SLC24A4: variants seen among roughly 807,000 people sequenced by gnomAD.
The protein encoded by SLC24A4 is solute carrier family 24 member 4.
In SLC24A4, 53 loss-of-function variants were observed where a neutral mutation model predicts 79.0. That is an observed-to-expected ratio of 0.67 (90% confidence interval 0.54 to 0.84). The LOEUF is 0.84. Ranked by LOEUF, SLC24A4 falls within the 40% of genes least tolerant of loss-of-function variation. The pLI, the probability that SLC24A4 is intolerant of heterozygous loss-of-function variation, is 0.00. For synonymous variants in SLC24A4, 323 were observed against 323.8 expected (o/e 1.00, Z 0.03); for missense variants, 731 against 822.0 (o/e 0.89, Z 1.35).
chr14:92,419,305 G>C (rs1034028389), intron 2 of SLC24A4, among the ~76,000 whole-genome samples: 1 of 152,182 alleles, frequency 6.6e-6, no homozygotes, highest in Non-Finnish European at 1.5e-5. Flanking sequence ...TCCCTTCCCA[G>C]TTAGTGGCAA....
intron 2 of SLC24A4, among the ~76,000 whole-genome samples, chr14:92,383,993 G>A (rs1403845010): frequency 2.0e-5 from 3 of 152,330 alleles, no homozygotes; most frequent in African/African-American, 4.8e-5. Flanking sequence ...TTAGTCTGGA[G>A]CAAACCACTT....
At chr14:92,426,336 A>G (rs1891566392) in intron 2 of SLC24A4, among the ~76,000 whole-genome samples, 2 of 152,160 alleles carry the variant, frequency 1.3e-5, no homozygotes, top group African/African-American at 4.8e-5. Flanking sequence ...ATGGTGAGAG[A>G]GGAAGCAAGA....
intron 9 of SLC24A4, 35 bp from the exon 10 acceptor site, chr14:92,449,039 C>A: frequency 6.2e-7 from 1 of 1,611,564 alleles, no homozygotes; most frequent in South Asian, 1.1e-5. Flanking sequence ...GACTCCTTTC[C>A]ATTGCCCTGA....
At chr14:92,426,290 G>A (rs1260369189) in intron 2 of SLC24A4, among the ~76,000 whole-genome samples, 7 of 152,158 alleles carry the variant, frequency 4.6e-5, no homozygotes, top group East Asian at 1.9e-4. Flanking sequence ...TTTCACTCAC[G>A]GTGGAAGGTG....
intron 2 of SLC24A4, among the ~76,000 whole-genome samples, chr14:92,396,935 T>C (rs978884126): frequency 6.6e-6 from 1 of 151,338 alleles, no homozygotes; most frequent in African/African-American, 2.5e-5. Context: ...GACACAGTGC[T>C]ACCCTGGAGA....
rs772447275 is a variant in SLC24A4, at chr14:92,486,673, T to C, written c.1430T>C (p.Ile477Thr). The C allele has an allele frequency of 1.9e-6, 3 of 1,612,254 alleles. No individual in the cohort carries two copies. The highest frequency in any genetic ancestry group is 1.7e-6 in the Non-Finnish European group (2 of 1,178,288). ...FSYIMVWLVT[I>T]IGYTLGIPDV... The stretch of plus-strand genomic sequence containing the variant: ...CCACCCCACATTCTGCAGGTGACTA[T>C]TATCGGATACACACTTGGGATCCCG... Residue 477 changes from isoleucine to threonine, a missense_variant, in exon 14 of 17, where the codon ATT (isoleucine) becomes ACT (threonine). Coordinates refer to ENST00000532405, the MANE Select transcript of SLC24A4 (RefSeq NM_153646.4).
chr14:92,397,554 G>C (rs74073015), intron 2 of SLC24A4, among the ~76,000 whole-genome samples: 1 of 152,180 alleles, frequency 6.6e-6, no homozygotes, highest in African/African-American at 2.4e-5. Context: ...TCCTGTCTGG[G>C]TTCCAGGGAG....
Position 92,494,355 on chromosome 14 carries a change from A to G in SLC24A4, c.*727A>G, listed in dbSNP as rs1186934076. 6.5e-6 allele frequency: 1 copy of G among 152,684 alleles called. No homozygotes were observed. Among genetic ancestry groups the G allele is most frequent in the African/African-American group, 2.4e-5 (1 of 41,466 alleles). 9.5% of individuals were successfully genotyped at this position (152,684 alleles called of 1,614,324 possible). A position where few individuals can be genotyped will look rare whatever the true frequency, so the allele number is the denominator to read the frequency against. On this transcript the variant is annotated 3_prime_UTR_variant, in exon 17 of 17. Transcript: ENST00000532405. The surrounding 1 kb of genome is among the most constrained non-coding windows in gnomAD (Gnocchi z 4.6). ...TAGGTCATCATACTTGAAAATTATC[A>G]TTCCATATGAAAGGATCATGATACA...
chr14:92,362,354 T>C (rs1887581659), intron 2 of SLC24A4, among the ~76,000 whole-genome samples: 1 of 152,308 alleles, frequency 6.6e-6, no homozygotes, highest in East Asian at 1.9e-4. Context: ...CTCTAACCTC[T>C]GTGCTGCTCC....
intron 2 of SLC24A4, among the ~76,000 whole-genome samples, chr14:92,422,870 T>C (rs968929728): frequency 2.6e-5 from 4 of 151,852 alleles, no homozygotes; most frequent in African/African-American, 4.8e-5. Flanking sequence ...CTGGAGTGCA[T>C]TGGTGCCATC....
At chr14:92,420,761 G>A (rs569725573) in intron 2 of SLC24A4, among the ~76,000 whole-genome samples, 1 of 152,244 alleles carries the variant, frequency 6.6e-6, no homozygotes, top group African/African-American at 2.4e-5. Flanking sequence ...CTCAAATTAA[G>A]TCTAGAGTCC....
chr14:92,368,802 C>A (rs984562750), intron 2 of SLC24A4, among the ~76,000 whole-genome samples: 3 of 152,100 alleles, frequency 2.0e-5, no homozygotes, highest in Admixed American at 6.5e-5. Context: ...AACCAGAATA[C>A]CCTGCCTCAC....
At chr14:92,408,155 G>C (rs990414947) in intron 2 of SLC24A4, among the ~76,000 whole-genome samples, 7 of 139,682 alleles carry the variant, frequency 5.0e-5, no homozygotes, top group Non-Finnish European at 7.6e-5. Flanking sequence ...ATGTATGCTT[G>C]TTGCTACAGC....
At chr14:92,372,867 C>CCCTT (rs1276150058) in intron 2 of SLC24A4, among the ~76,000 whole-genome samples, 1,140 of 109,878 alleles carry the variant, frequency 0.01, 48 homozygotes, top group African/African-American at 0.039. Context: ...GGGTCACTGT[C>CCCTT]CCTTCCTTCC....
chr14:92,337,117 G>A (rs902323745), intron 2 of SLC24A4, among the ~76,000 whole-genome samples: 2 of 151,988 alleles, frequency 1.3e-5, no homozygotes, highest in Admixed American at 1.3e-4. Flanking sequence ...ACATGGGGAG[G>A]GGGTGGCAGT....
chr14:92,500,897 G>A lies in SLC24A4; in HGVS notation c.*7269G>A, dbSNP rs1896136035. 6.6e-6 allele frequency: 1 copy of A among 152,380 alleles called. No homozygotes were observed. 9.4% of individuals were successfully genotyped at this position (152,380 alleles called of 1,614,324 possible). On this transcript the variant is annotated 3_prime_UTR_variant, in exon 17 of 17. Coordinates refer to ENST00000532405, the MANE Select transcript of SLC24A4 (RefSeq NM_153646.4). Reference sequence around the variant, plus strand: ...CAGCCAGATGCAGCCAGGCCCAGGGGTAGATACAGGAGTTGCTAAGGAAGG... The same window carrying A: ...CAGCCAGATGCAGCCAGGCCCAGGGATAGATACAGGAGTTGCTAAGGAAGG...
chr14:92,499,801 G>C lies in SLC24A4; in HGVS notation c.*6173G>C, dbSNP rs1896081353. Reference sequence around the variant, plus strand: ...TCCCAAAGTGCTGGATTACAAGCGTGAGCCCCTGCACCCGGCCCAAGCAGT... The same window carrying C: ...TCCCAAAGTGCTGGATTACAAGCGTCAGCCCCTGCACCCGGCCCAAGCAGT... On this transcript the variant is annotated 3_prime_UTR_variant, in exon 17 of 17. Coordinates refer to ENST00000532405, the MANE Select transcript of SLC24A4 (RefSeq NM_153646.4). The C allele has an allele frequency of 6.7e-6, 1 of 149,598 alleles. No homozygotes were observed. Among genetic ancestry groups the C allele is most frequent in the Admixed American group, 6.7e-5 (1 of 14,924 alleles). 9.3% of individuals were successfully genotyped at this position (149,598 alleles called of 1,614,324 possible). A position where few individuals can be genotyped will look rare whatever the true frequency, so the allele number is the denominator to read the frequency against.
chr14:92,442,165 C>G lies in SLC24A4; in HGVS notation c.470C>G (p.Ser157Cys). ...AGCTCAACGCCAGAGCTGTTTGCGT[C>G]TGTTATTGGTAAGAAATCCCCTCCA... ...AGSSTPELFA[S>C]VIGVFITHGD... is the part of the protein sequence containing the mutation. Residue 157 changes from serine (S) to cysteine (C), a missense_variant, in exon 5 of 17, where the codon TCT becomes TGT. Coordinates refer to ENST00000532405, the MANE Select transcript of SLC24A4 (RefSeq NM_153646.4). The G allele has an allele frequency of 6.2e-7, 1 of 1,613,444 alleles. No homozygotes were observed. Among genetic ancestry groups the G allele is most frequent in the Non-Finnish European group, 8.5e-7 (1 of 1,179,724 alleles).
chr14:92,349,002 G>A (rs1479608063), intron 2 of SLC24A4, among the ~76,000 whole-genome samples: 1 of 151,860 alleles, frequency 6.6e-6, no homozygotes, highest in Non-Finnish European at 1.5e-5. Context: ...ACCAAGTCAC[G>A]CTGCAGGCTC....
Sources: gnomAD v4.1 joint callset for allele counts (sites outside exome capture counted in the v4.1 genomes callset) on GRCh38, gnomAD v4.1.1 for gene constraint, Gnocchi (gnomAD v3.1) non-coding constraint, MANE v1.5 for transcripts, NCBI Gene and HGNC (gene_info 2026-07-23, HGNC 2026-07-21) for gene names.